The following PASD1 variants were observed in gnomAD, a reference collection of about 807,000 sequenced individuals.
PASD1 encodes PAS domain containing repressor 1, also known as circadian clock protein PASD1.
A neutral mutation model predicts 58.8 loss-of-function variants in PASD1; 13 were observed. The observed-to-expected ratio is 0.22, with a 90% CI of 0.14 to 0.35. The LOEUF (loss-of-function observed/expected upper bound fraction) is 0.35, where lower values mean the gene tolerates loss of function less well. Among genes scored for constraint, PASD1 ranks in the 10% least tolerant of loss-of-function variants. The pLI is 1.00. For synonymous variants in PASD1, 236 were observed against 216.7 expected, an observed-to-expected ratio of 1.09 and a Z score of -0.78; for missense variants, 734 against 568.3, an observed-to-expected ratio of 1.29 and a Z score of -2.96.
At chrX:151,582,148 G>A (rs937388050) in intron 1 of PASD1, among the ~76,000 whole-genome samples, 23 of 109,395 alleles carry the variant, frequency 2.1e-4, no homozygotes, top group African/African-American at 6.3e-4. Flanking sequence ...CACCACGCCC[G>A]GCTAATTTTT....
intron 3 of PASD1, among the ~76,000 whole-genome samples, chrX:151,606,633 C>A (rs2013492566): frequency 9.0e-6 from 1 of 110,986 alleles, no homozygotes; most frequent in African/African-American, 3.3e-5. Flanking sequence ...GAGCTTGCAC[C>A]TTGCCCAAAT....
chrX:151,668,524 A>G (rs1466870952), intron 11 of PASD1, among the ~76,000 whole-genome samples: 2 of 110,869 alleles, frequency 1.8e-5, no homozygotes, highest in African/African-American at 6.6e-5. Flanking sequence ...GATAAAGGGG[A>G]TATCACCGCC....
At chrX:151,633,282 G>A (rs1356754203) in intron 8 of PASD1, among the ~76,000 whole-genome samples, 1 of 110,998 alleles carries the variant, frequency 9.0e-6, no homozygotes, top group Non-Finnish European at 1.9e-5. Flanking sequence ...CAGCTTGGAG[G>A]CCACATACAG....
Position 151,607,137 on chromosome X carries a change from T to C in PASD1, c.117+2403T>C, listed in dbSNP as rs748175734. 2.7e-5 allele frequency among the ~76,000 whole-genome samples: 3 copies of C among 112,123 alleles called. No individual in the cohort carries two copies. In the East Asian group the frequency reaches 8.4e-4, roughly 31 times the overall value. On this transcript the variant is annotated intron_variant, in intron 3 of 15. Transcript: ENST00000370357. ...ATCAATATTTCTTTGCTTTGCTTTG[T>C]ATTTTTAGGACATGTGTATGCATCT...
rs767290496 is a variant in PASD1 at position 151,611,840 on chromosome X, T to C, written c.207+87T>C. 1.1e-4 allele frequency: 76 copies of C among 683,760 alleles called. No homozygotes were observed. In the East Asian group the frequency reaches 2.7e-3, roughly 24 times the overall value. 56.3% of individuals were successfully genotyped at this position (683,760 alleles called of 1,213,427 possible). The stretch of plus-strand genomic sequence containing the variant: ...TTTATTTTCTTTTTTTATTATACTT[T>C]AAGTTTTAGAGTACATGTGCACAAC... On this transcript the variant is annotated intron_variant, in intron 4 of 15. Coordinates refer to ENST00000370357, the MANE Select transcript of PASD1 (RefSeq NM_173493.3).
chrX:151,663,872 A>G (rs764157845), intron 10 of PASD1, among the ~76,000 whole-genome samples: 350 of 112,047 alleles, frequency 3.1e-3, no homozygotes, highest in Non-Finnish European at 5.7e-3. Context: ...ATGAAATGAC[A>G]CTAACAAATG....
At chrX:151,643,495 A>G (rs1490992733) in intron 8 of PASD1, among the ~76,000 whole-genome samples, 1 of 111,970 alleles carries the variant, frequency 8.9e-6, no homozygotes, top group Non-Finnish European at 1.9e-5. Context: ...CATTTTGGTA[A>G]TAGAGACAAA....
At chrX:151,599,148 T>C (rs1393193517) in intron 1 of PASD1, among the ~76,000 whole-genome samples, 1 of 112,355 alleles carries the variant, frequency 8.9e-6, no homozygotes, top group Non-Finnish European at 1.9e-5. Context: ...GGTAAGGTTA[T>C]AGATTAACAG....
At chrX:151,620,876 C>CTCTCACTT in intron 4 of PASD1, 54 bp from the exon 5 acceptor site, 1 of 935,288 alleles carries the variant, frequency 1.1e-6, no homozygotes, top group Non-Finnish European at 1.5e-6. Flanking sequence ...AAAGTTTACT[C>CTCTCACTT]TCTCCCTCTT....
intron 10 of PASD1, among the ~76,000 whole-genome samples, chrX:151,660,632 C>T (rs1448590422): frequency 8.9e-6 from 1 of 112,314 alleles, no homozygotes; most frequent in Admixed American, 9.4e-5. Flanking sequence ...TTTATCTGGA[C>T]CTACCATTGT....
chrX:151,572,275 C>T (rs2012937880), intron 1 of PASD1, among the ~76,000 whole-genome samples: 1 of 111,247 alleles, frequency 9.0e-6, no homozygotes, highest in Non-Finnish European at 1.9e-5. Context: ...ACAACAACAA[C>T]AATAATAACA....
chrX:151,667,793 A>G (rs1421074484), intron 11 of PASD1, among the ~76,000 whole-genome samples: 2 of 111,742 alleles, frequency 1.8e-5, no homozygotes, highest in Admixed American at 9.5e-5. Context: ...GCCTTGTGGT[A>G]TAGTTTGAAG....
At chrX:151,645,311 T>A (rs1428701518) in intron 8 of PASD1, among the ~76,000 whole-genome samples, 1 of 112,094 alleles carries the variant, frequency 8.9e-6, no homozygotes, top group Admixed American at 9.5e-5. Context: ...GTTTCCTGAC[T>A]CTCTGCCACA....
chrX:151,663,697 C>T (rs1460184611), intron 10 of PASD1, among the ~76,000 whole-genome samples: 1 of 111,994 alleles, frequency 8.9e-6, no homozygotes, highest in African/African-American at 3.3e-5. Context: ...GCTGTTGAAA[C>T]CAAGTCATGT....
intron 1 of PASD1, among the ~76,000 whole-genome samples, chrX:151,589,479 G>A (rs761888833): frequency 1.8e-5 from 2 of 111,978 alleles, no homozygotes; most frequent in Admixed American, 9.5e-5. Flanking sequence ...ATTAACAATC[G>A]CTAATGAAAG....
At chrX:151,629,776 G>A (rs1195953599) in intron 8 of PASD1, among the ~76,000 whole-genome samples, 1 of 111,965 alleles carries the variant, frequency 8.9e-6, no homozygotes, top group Non-Finnish European at 1.9e-5. Context: ...ATTCTTGCAT[G>A]CACCCTAAAA....
intron 1 of PASD1, among the ~76,000 whole-genome samples, chrX:151,591,759 A>G (rs1250478560): frequency 9.0e-6 from 1 of 111,146 alleles, no homozygotes; most frequent in Non-Finnish European, 1.9e-5. Context: ...TTATCTGTGG[A>G]TTTTGAGTGT....
Position 151,676,142 on chromosome X carries a change from AACAGT to A in PASD1, c.*2_*6del, listed in dbSNP as rs1178600609. ...CAACGTGACTCAAATAAGCCGTGCTAACAGTACTTTCATGACCAGTGATGAGGGGA... is the reference window on the plus strand; with the variant it reads ...CAACGTGACTCAAATAAGCCGTGCTAACTTTCATGACCAGTGATGAGGGGA... On this transcript the variant is annotated stop_retained_variant and 3_prime_UTR_variant, in exon 16 of 16. Coordinates refer to ENST00000370357, the MANE Select transcript of PASD1 (RefSeq NM_173493.3). The A allele has an allele frequency of 1.7e-6, 2 of 1,205,462 alleles. No individual in the cohort carries two copies. The highest frequency in any genetic ancestry group is 2.2e-6 in the Non-Finnish European group (2 of 893,325).
At chrX:151,599,278 T>G (rs1415283048) in intron 1 of PASD1, among the ~76,000 whole-genome samples, 4 of 112,893 alleles carry the variant, frequency 3.5e-5, no homozygotes, top group African/African-American at 6.4e-5. Context: ...CATTTCCCCC[T>G]TTTCTATTCG....
Sources: gnomAD v4.1 joint callset for allele counts (sites outside exome capture counted in the v4.1 genomes callset) on GRCh38, gnomAD v4.1.1 for gene constraint, MANE v1.5 for transcripts, NCBI Gene and HGNC (gene_info 2026-07-23, HGNC 2026-07-21) for gene names.